LUZP4: variants seen among roughly 807,000 people sequenced by gnomAD.
The protein encoded by LUZP4 is leucine zipper protein 4.
LUZP4 carries 11 observed loss-of-function variants against 8.5 expected under a neutral mutation model. The ratio of observed to expected loss-of-function variants is 1.30; its 90% confidence interval spans 0.82 to 2.14. The LOEUF (loss-of-function observed/expected upper bound fraction) is 2.14. LUZP4 is among the 30% of genes most tolerant of loss of function. LUZP4 has a pLI of 0.00. For missense variants in LUZP4, 276 were observed against 229.7 expected (o/e 1.20, Z -1.30); for synonymous variants, 104 against 79.4 (o/e 1.31, Z -1.65).
intron 1 of LUZP4, among the ~76,000 whole-genome samples, chrX:115,299,937 C>T (rs1392880247): frequency 2.7e-5 from 3 of 112,103 alleles, no homozygotes; most frequent in Non-Finnish European, 5.6e-5. Context: ...TCCTTTCCTT[C>T]AAGGCAGTCG....
chrX:115,297,736 T>C (rs782546660), intron 1 of LUZP4, among the ~76,000 whole-genome samples: 28 of 111,382 alleles, frequency 2.5e-4, no homozygotes, highest in Non-Finnish European at 4.9e-4. Context: ...GAGGTAGTCT[T>C]CTTTGGGTTA....
At chrX:115,290,665 G>C (rs1012277354) in intron 1 of LUZP4, among the ~76,000 whole-genome samples, 6 of 111,598 alleles carry the variant, frequency 5.4e-5, no homozygotes, top group East Asian at 2.8e-4. Flanking sequence ...GGAGTGAGCA[G>C]AGCTGAGTAG....
At chrX:115,292,836 A>T (rs1313906029) in intron 1 of LUZP4, among the ~76,000 whole-genome samples, 1 of 110,925 alleles carries the variant, frequency 9.0e-6, no homozygotes, top group Non-Finnish European at 1.9e-5. Context: ...GGCCCTGAAA[A>T]GTAACTAAGT....
At chrX:115,290,241 C>T (rs2073342851) in intron 1 of LUZP4, among the ~76,000 whole-genome samples, 1 of 111,907 alleles carries the variant, frequency 8.9e-6, no homozygotes, top group African/African-American at 3.2e-5. Context: ...AAGTGCTCTT[C>T]TCAGTCCAAG....
intron 1 of LUZP4, among the ~76,000 whole-genome samples, chrX:115,298,245 T>C (rs1206660053): frequency 9.0e-6 from 1 of 111,545 alleles, no homozygotes; most frequent in Non-Finnish European, 1.9e-5. Flanking sequence ...TTTTGTGTTT[T>C]TAGTAGAGGT....
At chrX:115,302,197 C>A (rs2073400822) in intron 2 of LUZP4, 74 bp downstream of exon 2, 1 of 903,122 alleles carries the variant, frequency 1.1e-6, no homozygotes, top group South Asian at 3.3e-5. Flanking sequence ...ATAAGTAAAT[C>A]AAGAATTCAC....
At chrX:115,298,416 A>G (rs2073380475) in intron 1 of LUZP4, among the ~76,000 whole-genome samples, 1 of 112,519 alleles carries the variant, frequency 8.9e-6, no homozygotes, top group African/African-American at 3.2e-5. Context: ...TCCTCTTTAC[A>G]GCCAATAACT....
rs2073362294 is a variant in LUZP4, at chrX:115,294,524, C to G, written c.91+4674C>G. Among the ~76,000 whole-genome samples, 3 of 111,617 alleles carry G rather than the reference C, an allele frequency of 2.7e-5. No individual in the cohort carries two copies. In the Admixed American group the frequency reaches 2.9e-4, roughly 11 times the overall value. ...GGCCTAAACGCTCACGTTTGGGTAG[C>G]CAGCAATTTGGCAAGCTGGAGAAGT... On this transcript the variant is annotated intron_variant, in intron 1 of 3. Coordinates refer to ENST00000371920, the MANE Select transcript of LUZP4 (RefSeq NM_016383.5).
At chrX:115,305,724 A>G (rs1569520579) in intron 3 of LUZP4, among the ~76,000 whole-genome samples, 2 of 112,230 alleles carry the variant, frequency 1.8e-5, no homozygotes, top group Non-Finnish European at 3.8e-5. Context: ...CCCCTTCCTT[A>G]CTTCGTCTTT....
intron 1 of LUZP4, among the ~76,000 whole-genome samples, chrX:115,296,635 A>G (rs1556599065): frequency 1.8e-5 from 2 of 111,512 alleles, no homozygotes; most frequent in African/African-American, 6.5e-5. Context: ...CTTTCTCTTC[A>G]ATATGAAGAG....
Position 115,306,410 on chromosome X carries a change from A to G in LUZP4, c.548A>G (p.His183Arg). 2 of 1,211,367 alleles carry G rather than the reference A, an allele frequency of 1.7e-6. No homozygotes were observed. The highest frequency in any genetic ancestry group is 2.2e-6 in the Non-Finnish European group (2 of 895,327). ...AGATCTCAAGGGCAGCTAAAGAGAC[A>G]TCATCCCCAATATGAGAGATCTCAT... is the stretch of plus-strand genomic sequence containing the variant. ...SDRSQGQLKR[H>R]HPQYERSHGQ... The change falls in exon 4 of 4, where the codon CAT (histidine) becomes CGT (arginine). Residue 183 changes from histidine to arginine, a missense_variant. Physicochemically the swap from His to Arg is conservative, Grantham distance 29. Coordinates refer to ENST00000371920, the MANE Select transcript of LUZP4 (RefSeq NM_016383.5).
At position 115,302,099 on chromosome X, in the gene LUZP4, GCT is replaced by G; in HGVS notation, c.201_202del (p.His68Ter). ...ATCGCCTTCAAGACAGCAATCAAAAGCTCATAGACATCGCCATCGGAGAGGTA... is the reference window on the plus strand; with the variant it reads ...ATCGCCTTCAAGACAGCAATCAAAAGCATAGACATCGCCATCGGAGAGGTA... Reference protein sequence around the residue: ...KESPSRQQSKAHRHRHRRGYS... With the variant: ...KESPSRQQSKXHRHRHRRGYS... On this transcript the variant is annotated frameshift_variant, in exon 2 of 4. Coordinates refer to ENST00000371920, the MANE Select transcript of LUZP4 (RefSeq NM_016383.5). LOFTEE classifies it high-confidence loss of function. The G allele has an allele frequency of 8.4e-7, 1 of 1,191,506 alleles. No individual in the cohort carries two copies. Among genetic ancestry groups the G allele is most frequent in the African/African-American group, 1.8e-5 (1 of 56,755 alleles).
At chrX:115,291,732 G>A (rs2073349986) in intron 1 of LUZP4, among the ~76,000 whole-genome samples, 1 of 110,295 alleles carries the variant, frequency 9.1e-6, no homozygotes, top group Non-Finnish European at 1.9e-5. Context: ...GACCAGCCTG[G>A]CCAACATGGT....
intron 3 of LUZP4, among the ~76,000 whole-genome samples, chrX:115,305,837 T>C (rs1315642743): frequency 6.2e-5 from 7 of 112,180 alleles, no homozygotes. Flanking sequence ...TTCCTTTTGA[T>C]CCTAAGGACT....
At chrX:115,294,934 C>G (rs899727379) in intron 1 of LUZP4, among the ~76,000 whole-genome samples, 1 of 111,757 alleles carries the variant, frequency 8.9e-6, no homozygotes, top group Admixed American at 9.5e-5. Flanking sequence ...AACGTTGGTT[C>G]TCTATATCCA....
At chrX:115,299,930 T>C (rs2073388835) in intron 1 of LUZP4, among the ~76,000 whole-genome samples, 1 of 112,054 alleles carries the variant, frequency 8.9e-6, no homozygotes, top group South Asian at 3.7e-4. Flanking sequence ...GGCTGGGTCC[T>C]TTCCTTCAAG....
chrX:115,291,375 G>A (rs1556596729), intron 1 of LUZP4, among the ~76,000 whole-genome samples: 2 of 111,616 alleles, frequency 1.8e-5, no homozygotes, highest in Non-Finnish European at 3.8e-5. Flanking sequence ...ATGGGATTGT[G>A]GGCCTGAGCC....
At chrX:115,297,026 G>A (rs1227317769) in intron 1 of LUZP4, among the ~76,000 whole-genome samples, 1 of 111,158 alleles carries the variant, frequency 9.0e-6, no homozygotes, top group Non-Finnish European at 1.9e-5. Flanking sequence ...AGGCATGCGT[G>A]CAATTGCAAT....
rs373081283 is a variant in LUZP4, at chrX:115,289,715, A to G, written c.-45A>G. 3.1e-6 allele frequency: 3 copies of G among 972,105 alleles called. No homozygotes were observed. Among genetic ancestry groups the G allele is most frequent in the Non-Finnish European group, 4.4e-6 (3 of 680,973 alleles). 80.1% of individuals were successfully genotyped at this position (972,105 alleles called of 1,213,427 possible). ...TCCTCCTGCGCGGTGAGGGGGTGGT[A>G]CACGCGCCCTACCTCGGAGTGTGTG... On this transcript the variant is annotated 5_prime_UTR_variant, in exon 1 of 4. Transcript: ENST00000371920.
Sources: gnomAD v4.1 joint callset for allele counts (sites outside exome capture counted in the v4.1 genomes callset) on GRCh38, gnomAD v4.1.1 for gene constraint, MANE v1.5 for transcripts, NCBI Gene and HGNC (gene_info 2026-07-23, HGNC 2026-07-21) for gene names.